TDRD7: variants seen among roughly 807,000 people sequenced by gnomAD.
TDRD7 encodes the protein tudor domain containing 7.
In TDRD7, 47 loss-of-function variants were observed where a neutral mutation model predicts 109.8. That is an observed-to-expected ratio of 0.43 (90% CI 0.34 to 0.55). The LOEUF (loss-of-function observed/expected upper bound fraction) is 0.55. Ranked by LOEUF, TDRD7 falls within the 20% of genes least tolerant of loss-of-function variation. The pLI, the probability that TDRD7 is intolerant of heterozygous loss-of-function variation, is 0.03. For missense variants in TDRD7, 1,164 were observed against 1,319.2 expected, an observed-to-expected ratio of 0.88 and a Z score of 1.82; for synonymous variants, 424 against 457.3, an observed-to-expected ratio of 0.93 and a Z score of 0.93.
chr9:97,494,848 C>T (rs1282174102), intron 16 of TDRD7, among the ~76,000 whole-genome samples: 1 of 151,632 alleles, frequency 6.6e-6, no homozygotes, highest in Non-Finnish European at 1.5e-5. Flanking sequence ...GTAGCTGGGA[C>T]TATAGGCACA....
intron 1 of TDRD7, among the ~76,000 whole-genome samples, chr9:97,423,212 G>A (rs775219934): frequency 6.6e-6 from 1 of 152,056 alleles, no homozygotes; most frequent in Admixed American, 6.6e-5. Flanking sequence ...ATAGCTATAG[G>A]GATATTTGAG....
chr9:97,481,357 A>G (rs1829111536), intron 14 of TDRD7, among the ~76,000 whole-genome samples: 2 of 152,212 alleles, frequency 1.3e-5, no homozygotes, highest in Admixed American at 1.3e-4. Context: ...TCATTTATTT[A>G]TAATTGTGGT....
intron 5 of TDRD7, among the ~76,000 whole-genome samples, chr9:97,440,278 G>A (rs1455393258): frequency 6.6e-6 from 1 of 152,142 alleles, no homozygotes; most frequent in Non-Finnish European, 1.5e-5. Flanking sequence ...GCACACATGT[G>A]TACACAACCT....
intron 16 of TDRD7, among the ~76,000 whole-genome samples, chr9:97,492,197 T>C (rs1223310264): frequency 6.6e-6 from 1 of 152,198 alleles, no homozygotes; most frequent in Non-Finnish European, 1.5e-5. Context: ...TTGTTTCTTA[T>C]TAGGAGGCAG....
intron 6 of TDRD7, among the ~76,000 whole-genome samples, chr9:97,453,269 A>G (rs1176899366): frequency 6.6e-6 from 1 of 152,214 alleles, no homozygotes; most frequent in African/African-American, 2.4e-5. Context: ...GAGAACCACC[A>G]CATCTAAATC....
chr9:97,413,712 C>G (rs1000358674), intron 1 of TDRD7, among the ~76,000 whole-genome samples: 4 of 152,356 alleles, frequency 2.6e-5, no homozygotes, highest in Non-Finnish European at 5.9e-5. Flanking sequence ...ACTCACATCT[C>G]CTGTGCCCCA....
chr9:97,493,709 G>A (rs1829343500), intron 16 of TDRD7, among the ~76,000 whole-genome samples: 2 of 152,116 alleles, frequency 1.3e-5, no homozygotes, highest in African/African-American at 4.8e-5. Flanking sequence ...CCCTACAGCA[G>A]TGACCATAAA....
At position 97,436,399 on chromosome 9, in the gene TDRD7, T is replaced by C. The variant is rs541077890; in HGVS notation, c.564-2846T>C. On this transcript the variant is annotated intron_variant, in intron 4 of 16. Coordinates refer to ENST00000355295, the MANE Select transcript of TDRD7 (RefSeq NM_014290.3). ...ATTTTTTAGCCCATTATAGGTCTTA[T>C]GTGAATTACATGTCTTTGTCCTTTA... is the stretch of plus-strand genomic sequence containing the variant. Among the ~76,000 whole-genome samples, 29 of 152,320 alleles carry C rather than the reference T, an allele frequency of 1.9e-4. 2 individuals carry two copies. In the South Asian group the frequency reaches 5.4e-3, roughly 28 times the overall value.
chr9:97,468,843 C>T (rs922411576), intron 8 of TDRD7, among the ~76,000 whole-genome samples: 1 of 152,074 alleles, frequency 6.6e-6, no homozygotes, highest in African/African-American at 2.4e-5. Context: ...GACTACTGGC[C>T]CTGATCCCAG....
intron 6 of TDRD7, among the ~76,000 whole-genome samples, chr9:97,447,225 C>T (rs1414061383): frequency 6.6e-6 from 1 of 152,122 alleles, no homozygotes; most frequent in Non-Finnish European, 1.5e-5. Context: ...CCCCATAGTA[C>T]ACTAGAAGGA....
At chr9:97,490,401 T>C (rs1829282297) in intron 16 of TDRD7, among the ~76,000 whole-genome samples, 2 of 152,178 alleles carry the variant, frequency 1.3e-5, no homozygotes, top group African/African-American at 4.8e-5. Flanking sequence ...TTCTGAAAAG[T>C]CAGATGCTTC....
intron 1 of TDRD7, among the ~76,000 whole-genome samples, chr9:97,417,537 G>A (rs1050830984): frequency 1.2e-4 from 18 of 152,106 alleles, no homozygotes; most frequent in African/African-American, 3.9e-4. Flanking sequence ...GTAGACATCC[G>A]CCTTCCATCT....
intron 8 of TDRD7, among the ~76,000 whole-genome samples, chr9:97,466,191 C>T (rs547728230): frequency 6.6e-6 from 1 of 152,176 alleles, no homozygotes; most frequent in Non-Finnish European, 1.5e-5. Context: ...CCATCAGTTA[C>T]TGGCCACTGA....
Position 97,439,271 on chromosome 9 carries a change from C to A in TDRD7, c.590C>A (p.Pro197Gln). 6.2e-7 allele frequency: 1 copy of A among 1,602,246 alleles called. No homozygotes were observed. Among genetic ancestry groups the A allele is most frequent in the South Asian group, 1.1e-5 (1 of 90,896 alleles). Reference protein sequence around the residue: ...NRFSPKASLQPPLQMHLSRTS... With the variant: ...NRFSPKASLQQPLQMHLSRTS... ...TTTAGCCCAAAGGCGTCCCTTCAAC[C>A]ACCTTTGCAGATGCATCTCTCAAGA... The change falls in exon 5 of 17, where the codon CCA becomes CAA. Residue 197 changes from proline to glutamine, a missense_variant. By Grantham distance (76) the Pro-to-Gln change is moderately conservative. Transcript: ENST00000355295.
At position 97,475,387 on chromosome 9, in the gene TDRD7, T is replaced by A. The variant is rs745846055; in HGVS notation, c.2084T>A (p.Met695Lys). ...KIEDYFHCKH[M>K]TSECFVSLPF... ...TCATGCATTTCTGTTTTGCAGCACA[T>A]GACCTCTGAGTGCTTTGTTTCATTA... is the stretch of plus-strand genomic sequence containing the variant. The change falls in exon 12 of 17, where the codon ATG becomes AAG. Residue 695 changes from methionine to lysine, a missense_variant. By Grantham distance (95) the Met-to-Lys change is moderately conservative (BLOSUM62 -1). Transcript: ENST00000355295. The A allele has an allele frequency of 6.2e-7, 1 of 1,612,720 alleles. No homozygotes were observed. Among genetic ancestry groups the A allele is most frequent in the Admixed American group, 1.7e-5 (1 of 59,990 alleles).
At chr9:97,479,142 A>G (rs1018781949) in intron 13 of TDRD7, among the ~76,000 whole-genome samples, 1 of 152,232 alleles carries the variant, frequency 6.6e-6, no homozygotes, top group Admixed American at 6.5e-5. Context: ...CTTTTAAAAA[A>G]TAAAACAATG....
At chr9:97,463,296 G>A (rs1477950544) in intron 7 of TDRD7, among the ~76,000 whole-genome samples, 2 of 150,698 alleles carry the variant, frequency 1.3e-5, no homozygotes, top group Non-Finnish European at 1.5e-5. Flanking sequence ...AGCTATTTCT[G>A]AAGCCAATAA....
intron 7 of TDRD7, among the ~76,000 whole-genome samples, chr9:97,463,693 A>T (rs927457893): frequency 4.6e-5 from 7 of 152,346 alleles, no homozygotes; most frequent in Non-Finnish European, 1.0e-4. Flanking sequence ...TTTACACCCT[A>T]GAAGGAGACC....
At chr9:97,443,524 T>TCAGTTCAGTTTTTTC (rs996693004) in intron 6 of TDRD7, among the ~76,000 whole-genome samples, 1 of 152,226 alleles carries the variant, frequency 6.6e-6, no homozygotes, top group Non-Finnish European at 1.5e-5. Context: ...CCAGTTTTTT[T>TCAGTTCAGTTTTTTC]CAGTTCAGTT....
Sources: allele counts gnomAD v4.1 joint callset (sites outside exome capture counted in the v4.1 genomes callset), GRCh38; gene constraint gnomAD v4.1.1; transcripts MANE v1.5; gene names NCBI Gene and HGNC (gene_info 2026-07-23, HGNC 2026-07-21).